Variants in METRNL observed in about 807,000 individuals in gnomAD.
METRNL encodes the protein meteorin-like protein.
METRNL carries 9 observed loss-of-function variants against 17.4 expected under a neutral mutation model. That is an observed-to-expected ratio of 0.52 (90% CI 0.31 to 0.90). The LOEUF (loss-of-function observed/expected upper bound fraction) is 0.90. METRNL is among the 40% of genes least tolerant of loss of function. The probability of loss-of-function intolerance (pLI) is 0.05; values close to 1 mark genes in which losing one functional copy is unlikely to be tolerated. For synonymous variants in METRNL, 215 were observed against 199.3 expected (o/e 1.08, Z -0.66); for missense variants, 408 against 430.7 (o/e 0.95, Z 0.47).
chr17:83,080,080 G>A, intron 1 of METRNL, 95 bp downstream of exon 1: 3 of 758,472 alleles, frequency 4.0e-6, no homozygotes, highest in Non-Finnish European at 3.2e-6. Flanking sequence ...GGCCGGGGGC[G>A]GGCGCGGGGC....
intron 2 of METRNL, among the ~76,000 whole-genome samples, chr17:83,085,593 G>T (rs2038043866): frequency 6.6e-6 from 1 of 152,176 alleles, no homozygotes. Flanking sequence ...TCTTGGAAAT[G>T]CAGCCTTTCC....
intron 1 of METRNL, among the ~76,000 whole-genome samples, chr17:83,083,147 C>T (rs916908993): frequency 2.6e-5 from 4 of 152,228 alleles, no homozygotes; most frequent in Non-Finnish European, 4.4e-5. Flanking sequence ...ATGTGCTAGG[C>T]CAGGACGGCC....
At chr17:83,089,499 AGTCCCCGCAGCAGC>A (rs1458691386) in intron 2 of METRNL, among the ~76,000 whole-genome samples, 1 of 152,066 alleles carries the variant, frequency 6.6e-6, no homozygotes, top group Non-Finnish European at 1.5e-5. Context: ...GTGCAATCTA[AGTCCCCGCAGCAGC>A]GTCCCCAACC....
chr17:83,092,553 CCG>C (rs2038151551), intron 2 of METRNL: 1 of 136,552 alleles, frequency 7.3e-6, no homozygotes, highest in Non-Finnish European at 1.6e-5. Flanking sequence ...GCTCCTGGCG[CCG>C]TGGGCTGTGG....
chr17:83,081,979 G>C (rs1339570813), intron 1 of METRNL: 2 of 601,686 alleles, frequency 3.3e-6, no homozygotes, highest in Non-Finnish European at 4.2e-6. Flanking sequence ...GGTGTGCTGG[G>C]TGGATTCTCA....
In METRNL at chr17:83,094,604, G is replaced by T. The variant is rs1294350742; in HGVS notation, c.*29G>T. The T allele has an allele frequency of 7.0e-7, 1 of 1,425,796 alleles. No homozygotes were observed. Among genetic ancestry groups the T allele is most frequent in the African/African-American group, 1.4e-5 (1 of 69,370 alleles). The allele number at this position is 1,425,796 out of a possible 1,614,324, so 88.3% of individuals were successfully genotyped here. A position where few individuals can be genotyped will look rare whatever the true frequency, so the allele number is the denominator to read the frequency against. On this transcript the variant is annotated 3_prime_UTR_variant, in exon 4 of 4. Transcript: ENST00000320095. The stretch of plus-strand genomic sequence containing the variant: ...CGTGGGCCGCTGCCCTTCCTCTCCT[G>T]ATGAGTCACAGGCTGCGGTGGGCGC...
At chr17:83,093,481 T>C (rs2038165319) in intron 3 of METRNL, among the ~76,000 whole-genome samples, 1 of 152,212 alleles carries the variant, frequency 6.6e-6, no homozygotes, top group African/African-American at 2.4e-5. Flanking sequence ...ATTTTGTAAA[T>C]GAGATCACTG....
Position 83,086,151 on chromosome 17 carries a change from A to G in METRNL, c.556+828A>G, listed in dbSNP as rs117485978. 5.4e-3 allele frequency among the ~76,000 whole-genome samples: 818 copies of G among 152,320 alleles called. 2 individuals are homozygous for G. The highest frequency in any genetic ancestry group is 0.01 in the Middle Eastern group (3 of 294). ...GGCACCTGTGGGCCGTGTGACCTCCATGGTCTGTGTGGCCTCGGACTCGGG... is the reference window on the plus strand; with the variant it reads ...GGCACCTGTGGGCCGTGTGACCTCCGTGGTCTGTGTGGCCTCGGACTCGGG... On this transcript the variant is annotated intron_variant, in intron 2 of 3. Coordinates refer to ENST00000320095, the MANE Select transcript of METRNL (RefSeq NM_001004431.3).
intron 2 of METRNL, among the ~76,000 whole-genome samples, chr17:83,087,870 A>C (rs1247343328): frequency 6.6e-6 from 1 of 151,860 alleles, no homozygotes; most frequent in African/African-American, 2.4e-5. Context: ...GTTTGTGCTG[A>C]CTCAGGAGGA....
intron 1 of METRNL, among the ~76,000 whole-genome samples, chr17:83,081,360 C>T (rs570663467): frequency 7.2e-5 from 11 of 152,274 alleles, no homozygotes; most frequent in African/African-American, 2.6e-4. Context: ...AAGCCAGAAA[C>T]GCCGCCCCCG....
chr17:83,087,037 G>A (rs1015762857), intron 2 of METRNL, among the ~76,000 whole-genome samples: 5 of 152,208 alleles, frequency 3.3e-5, no homozygotes, highest in Middle Eastern at 3.4e-3. Flanking sequence ...GGGAGGCAGC[G>A]GCCTCTTGTG....
At chr17:83,083,130 G>T (rs934334127) in intron 1 of METRNL, among the ~76,000 whole-genome samples, 1 of 152,384 alleles carries the variant, frequency 6.6e-6, no homozygotes, top group East Asian at 1.9e-4. Flanking sequence ...CACCAGATGC[G>T]GGTAGCATGT....
intron 2 of METRNL, among the ~76,000 whole-genome samples, chr17:83,088,867 C>T (rs966003585): frequency 1.3e-5 from 2 of 152,166 alleles, no homozygotes; most frequent in African/African-American, 2.4e-5. Context: ...AGATAATTCT[C>T]ATTATTTCCT....
At position 83,085,229 on chromosome 17, in the gene METRNL, G is replaced by C. The variant is rs1346054373; in HGVS notation, c.462G>C (p.Glu154Asp). ...FGLEQGGLFV[E>D]ATPQQDIGRR... Reference sequence around the variant, plus strand: ...TGGAGCAGGGCGGCCTGTTCGTGGAGGCCACGCCGCAGCAGGATATCGGCC... The same window carrying C: ...TGGAGCAGGGCGGCCTGTTCGTGGACGCCACGCCGCAGCAGGATATCGGCC... Residue 154 changes from glutamate (E) to aspartate (D), a missense_variant, in exon 2 of 4, where the codon GAG (glutamate) becomes GAC (aspartate). Coordinates refer to ENST00000320095, the MANE Select transcript of METRNL (RefSeq NM_001004431.3). 1 of 1,594,226 alleles carries C rather than the reference G, an allele frequency of 6.3e-7. No homozygotes were observed. The highest frequency in any genetic ancestry group is 8.6e-7 in the Non-Finnish European group (1 of 1,168,812).
In METRNL at chr17:83,085,025, A is replaced by G. The variant is rs375624803; in HGVS notation, c.258A>G (p.Thr86=). Residue 86 remains threonine (T), a synonymous_variant, in exon 2 of 4, where the codon ACA becomes ACG. Transcript: ENST00000320095. The part of the protein sequence containing the change: ...AAGAVEWMYP[T]GALIVNLRPN... ...GTGCCGTGGAGTGGATGTACCCAAC[A>G]GGTGCTCTCATCGTTAACCTGCGGC... 2 of 1,613,842 alleles carry G rather than the reference A, an allele frequency of 1.2e-6. No homozygotes were observed. The highest frequency in any genetic ancestry group is 1.3e-5 in the African/African-American group (1 of 75,048).
chr17:83,094,746 G>T lies in METRNL; in HGVS notation c.*171G>T. On this transcript the variant is annotated 3_prime_UTR_variant, in exon 4 of 4. Transcript: ENST00000320095. ...GTTCTCGCCACACTCAACCCCATGA[G>T]CTTCCAGCCAAGGATGCCCTGGCCG... The T allele has an allele frequency of 2.3e-6, 1 of 436,742 alleles. No individual in the cohort carries two copies. Among genetic ancestry groups the T allele is most frequent in the Non-Finnish European group, 3.8e-6 (1 of 260,614 alleles). 27.1% of individuals were successfully genotyped at this position (436,742 alleles called of 1,614,324 possible).
intron 3 of METRNL, among the ~76,000 whole-genome samples, chr17:83,093,746 C>T (rs1230698212): frequency 1.3e-5 from 2 of 152,152 alleles, no homozygotes; most frequent in Non-Finnish European, 1.5e-5. Context: ...AAGGTTTGGC[C>T]TCCCGTCGTG....
intron 2 of METRNL, among the ~76,000 whole-genome samples, chr17:83,089,867 G>A (rs968271659): frequency 1.1e-4 from 17 of 152,062 alleles, no homozygotes; most frequent in Non-Finnish European, 1.6e-4. Context: ...TCGTTGGGTC[G>A]TCTCCAGAGG....
At chr17:83,089,500 G>T (rs2038091477) in intron 2 of METRNL, among the ~76,000 whole-genome samples, 1 of 152,086 alleles carries the variant, frequency 6.6e-6, no homozygotes, top group Admixed American at 6.5e-5. Context: ...TGCAATCTAA[G>T]TCCCCGCAGC....
Sources: gnomAD v4.1 joint callset for allele counts (sites outside exome capture counted in the v4.1 genomes callset) on GRCh38, gnomAD v4.1.1 for gene constraint, MANE v1.5 for transcripts, NCBI Gene and HGNC (gene_info 2026-07-23, HGNC 2026-07-21) for gene names.